The following PAX4 variants were observed in gnomAD, a reference collection of about 807,000 sequenced individuals.
PAX4 encodes paired box protein Pax-4.
In PAX4, 33 loss-of-function variants were observed where a neutral mutation model predicts 40.6. That is an observed-to-expected ratio of 0.81 (90% CI 0.62 to 1.09). The LOEUF (loss-of-function observed/expected upper bound fraction) is 1.09, where lower values mean the gene tolerates loss of function less well. Ranked by LOEUF, PAX4 falls within the 50% of genes least tolerant of loss-of-function variation. The pLI is 0.00. For synonymous variants in PAX4, 174 were observed against 170.6 expected (o/e 1.02, Z -0.16); for missense variants, 459 against 442.5 (o/e 1.04, Z -0.33).
rs1286157913 is a variant in PAX4 at position 127,613,762 on chromosome 7, C to G, written c.556G>C (p.Glu186Gln). The G allele has an allele frequency of 6.2e-7, 1 of 1,613,970 alleles. No homozygotes were observed. Among genetic ancestry groups the G allele is most frequent in the South Asian group, 1.1e-5 (1 of 91,064 alleles). ...IFSPSQAEAL[E>Q]KEFQRGQYPD... Reference sequence around the variant, plus strand: ...ATCTGTCCCAGCCCAGCACCTTTCTCCAGTGCCTCTGCTTGGCTTGGGGAG... The same window carrying G: ...ATCTGTCCCAGCCCAGCACCTTTCTGCAGTGCCTCTGCTTGGCTTGGGGAG... The change falls in exon 7 of 12, where the codon GAG becomes CAG. Residue 186 changes from glutamate (E) to glutamine (Q), a missense_variant. Physicochemically the swap from Glu to Gln is conservative, Grantham distance 29. Transcript: ENST00000639438.
chr7:127,614,537 G>T lies in PAX4; in HGVS notation c.381C>A (p.Val127=). 6 of 1,594,298 alleles carry T rather than the reference G, an allele frequency of 3.8e-6. No individual in the cohort carries two copies. The highest frequency in any genetic ancestry group is 5.1e-6 in the Non-Finnish European group (6 of 1,169,954). Reference sequence around the variant, plus strand: ...CCTGGTCCTCCTGTAATGCCCGCAGGACTCGGTTGATGGAGGAGACCTGGG... The same window carrying T: ...CCTGGTCCTCCTGTAATGCCCGCAGTACTCGGTTGATGGAGGAGACCTGGG... ...KTPSVSSINR[V]LRALQEDQGL... is the part of the protein sequence containing the mutation. Residue 127 remains valine, a synonymous_variant, in exon 6 of 12, where the codon GTC becomes GTA. Coordinates refer to ENST00000639438, the MANE Select transcript of PAX4 (RefSeq NM_001366110.1).
At chr7:127,616,371 C>T (rs1351489103) in intron 2 of PAX4, among the ~76,000 whole-genome samples, 1 of 152,182 alleles carries the variant, frequency 6.6e-6, no homozygotes, top group Non-Finnish European at 1.5e-5. Flanking sequence ...TCTCCAGCTG[C>T]TCCTAAGCCT....
intron 9 of PAX4, 43 bp downstream of exon 9, chr7:127,612,975 GGATA>G (rs758888941): frequency 9.0e-6 from 12 of 1,337,634 alleles, no homozygotes; most frequent in African/African-American, 1.5e-5. Context: ...ATGGATGGAT[GGATA>G]GATGACTGAG....
intron 9 of PAX4, 119 bp from the exon 10 acceptor site, chr7:127,612,119 C>T: frequency 1.1e-6 from 1 of 923,200 alleles, no homozygotes; most frequent in African/African-American, 1.6e-5. Flanking sequence ...CCACTTCTTG[C>T]AGGGGTGTGA....
intron 9 of PAX4, among the ~76,000 whole-genome samples, chr7:127,612,415 A>T (rs1349719424): frequency 6.6e-6 from 1 of 151,404 alleles, no homozygotes; most frequent in African/African-American, 2.4e-5. Flanking sequence ...GCATGGGTGG[A>T]TGGATGGATG....
intron 10 of PAX4, 104 bp downstream of exon 10, chr7:127,611,841 G>GAAC: frequency 6.3e-7 from 1 of 1,596,208 alleles, no homozygotes; most frequent in East Asian, 2.3e-5. Flanking sequence ...CATGAACACT[G>GAAC]TGGGGCCCTG....
intron 10 of PAX4, 76 bp downstream of exon 10, chr7:127,611,869 G>A: frequency 1.5e-5 from 24 of 1,606,230 alleles, no homozygotes; most frequent in Non-Finnish European, 2.0e-5. Context: ...GGAGATCCTG[G>A]CTCAGGCCAG....
chr7:127,611,302 T>G (rs569678813), intron 11 of PAX4, 96 bp from the exon 12 acceptor site: 1 of 1,321,950 alleles, frequency 7.6e-7, no homozygotes, highest in Admixed American at 2.0e-5. Context: ...TTTCCCACCC[T>G]GCATATACAC....
chr7:127,610,782 A>G lies in PAX4; in HGVS notation c.*282T>C, dbSNP rs898275128. The G allele has an allele frequency of 1.6e-6, 2 of 1,234,794 alleles. No homozygotes were observed. The highest frequency in any genetic ancestry group is 3.0e-5 in the African/African-American group (2 of 67,316). The allele number at this position is 1,234,794 out of a possible 1,614,324, so 76.5% of individuals were successfully genotyped here. On this transcript the variant is annotated 3_prime_UTR_variant, in exon 12 of 12. Transcript: ENST00000639438. ...GGGCATAGGGGTGCTCATAGGGAAA[A>G]CATGATGGACAACAGAACTACTGCT...
intron 6 of PAX4, among the ~76,000 whole-genome samples, chr7:127,614,257 T>C (rs565756656): frequency 2.4e-4 from 36 of 152,076 alleles, no homozygotes; most frequent in Non-Finnish European, 4.6e-4. Context: ...GGGACCTGTG[T>C]TCTGTTCCAG....
At chr7:127,612,428 T>C (rs1794644158) in intron 9 of PAX4, among the ~76,000 whole-genome samples, 1 of 151,706 alleles carries the variant, frequency 6.6e-6, no homozygotes, top group South Asian at 2.1e-4. Flanking sequence ...GATGGATGAA[T>C]GCATGAGCAG....
Position 127,611,080 on chromosome 7 carries a change from A to G in PAX4, c.1040T>C (p.Leu347Pro), listed in dbSNP as rs761445704. Residue 347 changes from leucine (L) to proline (P), a missense_variant, in exon 12 of 12, where the codon CTG becomes CCG. Physicochemically the swap from Leu to Pro is moderately conservative, Grantham distance 98. Coordinates refer to ENST00000639438, the MANE Select transcript of PAX4 (RefSeq NM_001366110.1). ...QALLWPGCPLLYGLE is the reference protein window; with the variant it reads ...QALLWPGCPLPYGLE ...ACTCCTGCCTCATTCCAAGCCATACAGTAGTGGGCAGCCAGGCCAGAGCAG... is the reference window on the plus strand; with the variant it reads ...ACTCCTGCCTCATTCCAAGCCATACGGTAGTGGGCAGCCAGGCCAGAGCAG... 9 of 1,606,754 alleles carry G rather than the reference A, an allele frequency of 5.6e-6. No homozygotes were observed. The African/African-American group carries it at 1.2e-4, about 21-fold the overall frequency.
intron 1 of PAX4, among the ~76,000 whole-genome samples, 159 bp downstream of exon 1, chr7:127,617,803 T>A (rs1395994176): frequency 6.6e-6 from 1 of 151,718 alleles, no homozygotes; most frequent in Non-Finnish European, 1.5e-5. Flanking sequence ...TCTGAAAAAA[T>A]AACTGGTGCT....
Position 127,616,042 on chromosome 7 carries a change from G to T in PAX4, c.-99-15C>A. ...GGGGGCTGGCTCTGCAATAATGGGGGGTTATTTGGGTGAGGTCTTTTGCTT... is the reference window on the plus strand; with the variant it reads ...GGGGGCTGGCTCTGCAATAATGGGGTGTTATTTGGGTGAGGTCTTTTGCTT... On this transcript the variant is annotated splice_polypyrimidine_tract_variant and intron_variant, in intron 2 of 11. Transcript: ENST00000639438. 1 of 1,220,918 alleles carries T rather than the reference G, an allele frequency of 8.2e-7. No homozygotes were observed. 75.6% of individuals were successfully genotyped at this position (1,220,918 alleles called of 1,614,324 possible).
intron 7 of PAX4, 45 bp from the exon 8 acceptor site, chr7:127,613,577 C>T: frequency 1.2e-6 from 2 of 1,601,480 alleles, no homozygotes; most frequent in African/African-American, 1.3e-5. Flanking sequence ...GGGAGAGGAG[C>T]AAGGCATGGG....
rs1325592081 is a variant in PAX4, at chr7:127,611,028, A to G, written c.*36T>C. The G allele has an allele frequency of 1.3e-6, 2 of 1,578,400 alleles. No homozygotes were observed. The highest frequency in any genetic ancestry group is 3.6e-5 in the Admixed American group (2 of 55,776). On this transcript the variant is annotated 3_prime_UTR_variant, in exon 12 of 12. Transcript: ENST00000639438. ...TAAGGACAATGGGCAGGATGGTATT[A>G]GATCTTCTCTATGCCATCTCCTTCC...
chr7:127,611,581 C>G lies in PAX4; in HGVS notation c.867G>C (p.Arg289Ser). The change falls in exon 11 of 12, where the codon AGG becomes AGC. Residue 289 changes from arginine to serine, a missense_variant. By Grantham distance (110) the Arg-to-Ser change is moderately radical. Coordinates refer to ENST00000639438, the MANE Select transcript of PAX4 (RefSeq NM_001366110.1). Reference protein sequence around the residue: ...YQLCWATAPERCLSDTPPKAC... With the variant: ...YQLCWATAPESCLSDTPPKAC... ...CTTTAGGTGGGGTGTCACTCAGACA[C>G]CTTTCTGGTGCTGTTGCCCAGCACA... is the stretch of plus-strand genomic sequence containing the variant. The G allele has an allele frequency of 1.2e-6, 2 of 1,613,900 alleles. No homozygotes were observed. The highest frequency in any genetic ancestry group is 1.1e-5 in the South Asian group (1 of 91,070).
chr7:127,612,449 G>A (rs1171884855), intron 9 of PAX4, among the ~76,000 whole-genome samples: 1 of 150,536 alleles, frequency 6.6e-6, no homozygotes, highest in Admixed American at 6.7e-5. Flanking sequence ...ATGCATGGAT[G>A]GATGCATGAA....
Position 127,613,890 on chromosome 7 carries a change from G to A in PAX4, c.437-9C>T, listed in dbSNP as rs1322842554. 1.9e-6 allele frequency: 3 copies of A among 1,614,002 alleles called. No individual in the cohort carries two copies. In the South Asian group the frequency reaches 3.3e-5, roughly 18 times the overall value. On this transcript the variant is annotated splice_polypyrimidine_tract_variant and intron_variant, in intron 6 of 11. Transcript: ENST00000639438. Reference sequence around the variant, plus strand: ...AGCTGGAGCCAAAACAGCTGAAAAGGAAGATAACAGTTTGTGGTGGTTTGT... The same window carrying A: ...AGCTGGAGCCAAAACAGCTGAAAAGAAAGATAACAGTTTGTGGTGGTTTGT...
Sources: gnomAD v4.1 joint callset for allele counts (sites outside exome capture counted in the v4.1 genomes callset) on GRCh38, gnomAD v4.1.1 for gene constraint, MANE v1.5 for transcripts, NCBI Gene and HGNC (gene_info 2026-07-23, HGNC 2026-07-21) for gene names.